TNRC6B: variants seen among roughly 807,000 people sequenced by gnomAD.
TNRC6B encodes the protein trinucleotide repeat containing adaptor 6B, also known as trinucleotide repeat-containing gene 6B protein.
In TNRC6B, 52 loss-of-function variants were observed where a neutral mutation model predicts 203.6. That is an observed-to-expected ratio of 0.26 (90% CI 0.20 to 0.32). The LOEUF is 0.32. TNRC6B is among the 10% of genes least tolerant of loss of function. The pLI, the probability that TNRC6B is intolerant of heterozygous loss-of-function variation, is 1.00. For missense variants in TNRC6B, 1,923 were observed against 2,286.2 expected (o/e 0.84, Z 3.24); for synonymous variants, 838 against 845.7 (o/e 0.99, Z 0.16).
chr22:40,285,902 T>G, intron 12 of TNRC6B, 132 bp downstream of exon 12: 1 of 1,232,728 alleles, frequency 8.1e-7, no homozygotes, highest in East Asian at 2.4e-5. Context: ...CATCTTTTCT[T>G]GACCTTTTGG....
In TNRC6B at chr22:40,216,166, C is replaced by T. The variant is rs78338817; in HGVS notation, c.6-29849C>T. 8.0e-3 allele frequency among the ~76,000 whole-genome samples: 1,224 copies of T among 152,320 alleles called. 12 individuals carry two copies. The highest frequency in any genetic ancestry group is 0.027 in the African/African-American group (1,126 of 41,580). The stretch of plus-strand genomic sequence containing the variant: ...TGCCGTTCCCCCTAGTTAGATGCCC[C>T]GTCTGCTTCTTACCTAGTCAGCTTT... On this transcript the variant is annotated intron_variant, in intron 1 of 22. Coordinates refer to ENST00000454349, the MANE Select transcript of TNRC6B (RefSeq NM_001162501.2).
chr22:40,309,578 C>CT (rs1214130119), intron 16 of TNRC6B, among the ~76,000 whole-genome samples: 1 of 152,186 alleles, frequency 6.6e-6, no homozygotes, highest in Non-Finnish European at 1.5e-5. Flanking sequence ...ACTGAATAAT[C>CT]TAAGCCCACT....
Position 40,164,243 on chromosome 22 carries a change from C to T in TNRC6B, c.113+8061C>T, listed in dbSNP as rs1419529584. Reference sequence around the variant, plus strand: ...CTAAAAAGAAAAAAAAAAAAATTAGCCAGGTGTGGTGGTGGGCTCCTGTAA... The same window carrying T: ...CTAAAAAGAAAAAAAAAAAAATTAGTCAGGTGTGGTGGTGGGCTCCTGTAA... On this transcript the variant is annotated intron_variant, in intron 4 of 23. Coordinates refer to the TNRC6B transcript ENST00000301923. Among the ~76,000 whole-genome samples the T allele has an allele frequency of 2.7e-5, 4 of 150,380 alleles. No individual in the cohort carries two copies. In the Admixed American group the frequency reaches 2.7e-4, roughly 10 times the overall value.
intron 1 of TNRC6B, among the ~76,000 whole-genome samples, chr22:40,096,746 A>G (rs1366143023): frequency 6.6e-6 from 1 of 152,246 alleles, no homozygotes; most frequent in Non-Finnish European, 1.5e-5. Flanking sequence ...GCCAGAAAGC[A>G]TAATGTTAGA....
Position 40,280,014 on chromosome 22 carries a change from A to G in TNRC6B, c.3282A>G (p.Lys1094=). 1 of 1,613,948 alleles carries G rather than the reference A, an allele frequency of 6.2e-7. No homozygotes were observed. Among genetic ancestry groups the G allele is most frequent in the Non-Finnish European group, 8.5e-7 (1 of 1,179,852 alleles). The change falls in exon 10 of 23, where the codon AAA becomes AAG. Residue 1094 remains lysine (K), a synonymous_variant. Coordinates refer to ENST00000454349, the MANE Select transcript of TNRC6B (RefSeq NM_001162501.2). The part of the protein sequence containing the change: ...DLSVGSLSDK[K]FDVDKRAMNL... ...TTTCAGGAAGCCTTTCAGATAAAAAATTTGATGTGGACAAGCGAGCGATGA... is the reference window on the plus strand; with the variant it reads ...TTTCAGGAAGCCTTTCAGATAAAAAGTTTGATGTGGACAAGCGAGCGATGA...
At chr22:40,273,172 G>T (rs2070588335) in intron 6 of TNRC6B, among the ~76,000 whole-genome samples, 1 of 152,166 alleles carries the variant, frequency 6.6e-6, no homozygotes. Flanking sequence ...CCAACTTTGT[G>T]CAAGGGAAAA....
intron 2 of TNRC6B, among the ~76,000 whole-genome samples, chr22:40,122,232 T>A (rs1314213079): frequency 1.3e-5 from 2 of 152,212 alleles, no homozygotes; most frequent in Non-Finnish European, 2.9e-5. Context: ...ACTTTTCATT[T>A]TTCCCTCCTT....
At position 40,312,646 on chromosome 22, in the gene TNRC6B, C is replaced by T; in HGVS notation, c.4577C>T (p.Thr1526Ile). The change falls in exon 18 of 23, where the codon ACC becomes ATC. Residue 1526 changes from threonine (T) to isoleucine (I), a missense_variant. By Grantham distance (89) the Thr-to-Ile change is moderately conservative. Transcript: ENST00000454349. ...DTDHQLLRDN[T>I]TGSNSSLNTS... ...GACCACCAACTGCTGCGGGATAACA[C>T]CACAGGTACTTGAGCAAAGCATCTC... The T allele has an allele frequency of 1.1e-5, 17 of 1,609,546 alleles. No homozygotes were observed. The highest frequency in any genetic ancestry group is 1.4e-5 in the Non-Finnish European group (17 of 1,178,462).
intron 7 of TNRC6B, among the ~76,000 whole-genome samples, chr22:40,274,656 G>A (rs1352995895): frequency 6.6e-6 from 1 of 152,086 alleles, no homozygotes; most frequent in Non-Finnish European, 1.5e-5. Flanking sequence ...TCCTGACCTC[G>A]TGATCCCGTC....
chr22:40,301,583 T>TG, intron 15 of TNRC6B: 2 of 503,166 alleles, frequency 4.0e-6, no homozygotes, highest in Non-Finnish European at 7.0e-6. Flanking sequence ...TCTTCCTTTT[T>TG]TTTGTGTGTG....
intron 11 of TNRC6B, among the ~76,000 whole-genome samples, chr22:40,281,948 G>C (rs934371312): frequency 6.6e-6 from 1 of 152,180 alleles, no homozygotes; most frequent in South Asian, 2.1e-4. Flanking sequence ...ACCTTGCCAG[G>C]CCTGAGGGTG....
intron 1 of TNRC6B, among the ~76,000 whole-genome samples, chr22:40,226,077 A>C (rs1424642001): frequency 6.6e-6 from 1 of 152,234 alleles, no homozygotes; most frequent in African/African-American, 2.4e-5. Flanking sequence ...GTAAGTTCAC[A>C]AGTCAGCTTT....
chr22:40,094,519 T>G (rs1294373315), intron 1 of TNRC6B, among the ~76,000 whole-genome samples: 1 of 152,238 alleles, frequency 6.6e-6, no homozygotes, highest in African/African-American at 2.4e-5. Flanking sequence ...GAAAGTGTTG[T>G]GAAGCCCAGA....
intron 1 of TNRC6B, among the ~76,000 whole-genome samples, chr22:40,243,227 C>G (rs1407064857): frequency 1.3e-5 from 2 of 152,034 alleles, no homozygotes; most frequent in African/African-American, 2.4e-5. Flanking sequence ...GAGAACAGTA[C>G]TGAATTAGAA....
intron 3 of TNRC6B, chr22:40,156,019 C>T (rs1040115260): frequency 4.6e-6 from 5 of 1,086,266 alleles, no homozygotes; most frequent in Non-Finnish European, 5.4e-6. Flanking sequence ...CACAGTGAAA[C>T]GGCCCTGTGG....
At chr22:40,182,459 AG>A (rs1418340799) in intron 1 of TNRC6B, among the ~76,000 whole-genome samples, 1 of 152,206 alleles carries the variant, frequency 6.6e-6, no homozygotes, top group Non-Finnish European at 1.5e-5. Context: ...GACGGGTGTC[AG>A]GGGTAGGGTG....
Position 40,267,039 on chromosome 22 carries a change from A to G in TNRC6B, c.2806+3A>G. ...AATGACCAGTAAATCGGCATCAGGT[A>G]AGCAGTGGCTTTCTCTTGCAGCTTT... On this transcript the variant is annotated splice_donor_region_variant and intron_variant, in intron 5 of 22. Coordinates refer to ENST00000454349, the MANE Select transcript of TNRC6B (RefSeq NM_001162501.2). 6.4e-7 allele frequency: 1 copy of G among 1,566,770 alleles called. No homozygotes were observed.
intron 1 of TNRC6B, among the ~76,000 whole-genome samples, chr22:40,062,599 A>G (rs987726520): frequency 2.0e-5 from 3 of 152,206 alleles, no homozygotes; most frequent in Admixed American, 6.5e-5. Flanking sequence ...TCCTACCAGC[A>G]GTATATGAGG....
At chr22:40,089,073 G>T (rs12159749) in intron 1 of TNRC6B, among the ~76,000 whole-genome samples, 1 of 152,072 alleles carries the variant, frequency 6.6e-6, no homozygotes, top group African/African-American at 2.4e-5. Flanking sequence ...TGAGATTGTT[G>T]TTGAGTGTAT....
Sources: gnomAD v4.1 joint callset for allele counts (sites outside exome capture counted in the v4.1 genomes callset) on GRCh38, gnomAD v4.1.1 for gene constraint, MANE v1.5 for transcripts, NCBI Gene and HGNC (gene_info 2026-07-23, HGNC 2026-07-21) for gene names.